Variants in CACNA1D observed in about 807,000 individuals in gnomAD.
CACNA1D encodes the protein voltage-dependent L-type calcium channel subunit alpha-1D.
Under a neutral mutation model 257.1 loss-of-function variants are expected in CACNA1D, and 55 were observed. The observed-to-expected ratio is 0.21, with a 90% CI of 0.17 to 0.27. The LOEUF (loss-of-function observed/expected upper bound fraction) is 0.27. Ranked by LOEUF, CACNA1D falls within the 10% of genes least tolerant of loss-of-function variation. The pLI is 1.00. For missense variants in CACNA1D, 1,876 were observed against 2,784.0 expected, an observed-to-expected ratio of 0.67 and a Z score of 7.34; for synonymous variants, 980 against 1,014.9, an observed-to-expected ratio of 0.97 and a Z score of 0.65.
At chr3:53,805,507 G>A (rs1373750844) in intron 45 of CACNA1D, among the ~76,000 whole-genome samples, 3 of 152,280 alleles carry the variant, frequency 2.0e-5, no homozygotes, top group South Asian at 4.1e-4. Context: ...GCTGTTGTCA[G>A]CCCTGCTGCA....
chr3:53,785,208 T>A (rs1196439423), intron 39 of CACNA1D, among the ~76,000 whole-genome samples: 1 of 152,204 alleles, frequency 6.6e-6, no homozygotes, highest in Non-Finnish European at 1.5e-5. Flanking sequence ...ACCTCCTGCC[T>A]TCTTGCCTAT....
chr3:53,522,446 G>A (rs2091616582), intron 3 of CACNA1D, among the ~76,000 whole-genome samples: 1 of 130,224 alleles, frequency 7.7e-6, no homozygotes, highest in Admixed American at 7.0e-5. Flanking sequence ...ATAGTTTTTG[G>A]ATGTGGTTGC....
rs548540083 is a variant in CACNA1D, at chr3:53,739,301, A to G, written c.2752-979A>G. On this transcript the variant is annotated intron_variant, in intron 20 of 47. Coordinates refer to ENST00000350061, the MANE Select transcript of CACNA1D (RefSeq NM_001128840.3). The stretch of plus-strand genomic sequence containing the variant: ...CTGGGTGGTCTCCACAGTCCCTTCT[A>G]GCTCTGGTCTCTTCAGTTCTTTCAA... 3.9e-5 allele frequency among the ~76,000 whole-genome samples: 6 copies of G among 152,310 alleles called. No individual in the cohort carries two copies. In the East Asian group the frequency reaches 1.2e-3, roughly 29 times the overall value.
At chr3:53,694,595 T>C (rs910914106) in intron 8 of CACNA1D, among the ~76,000 whole-genome samples, 3 of 152,146 alleles carry the variant, frequency 2.0e-5, no homozygotes, top group Admixed American at 6.5e-5. Flanking sequence ...CTTTGTGAAA[T>C]GGATGTGAAA....
chr3:53,520,765 CAA>C (rs77368050), intron 3 of CACNA1D, among the ~76,000 whole-genome samples: 2,542 of 147,280 alleles, frequency 0.017, 64 homozygotes, highest in African/African-American at 0.058. Flanking sequence ...GACTCAATCT[CAA>C]AAAAAAAAAA....
intron 3 of CACNA1D, among the ~76,000 whole-genome samples, chr3:53,513,876 A>G (rs2091221070): frequency 6.6e-6 from 1 of 152,190 alleles, no homozygotes; most frequent in South Asian, 2.1e-4. Flanking sequence ...AGTATTCAGC[A>G]CAGTCACATG....
chr3:53,746,370 C>G (rs1324492950), intron 25 of CACNA1D, among the ~76,000 whole-genome samples: 5 of 152,156 alleles, frequency 3.3e-5, no homozygotes, highest in Non-Finnish European at 7.3e-5. Context: ...TTACCTACAT[C>G]TTGGCCATAT....
chr3:53,571,130 A>G (rs2092935507), intron 3 of CACNA1D, among the ~76,000 whole-genome samples: 2 of 152,062 alleles, frequency 1.3e-5, no homozygotes, highest in Non-Finnish European at 2.9e-5. Flanking sequence ...TTAAGTGGGG[A>G]GGGCAGGAAA....
At chr3:53,597,156 G>T (rs773270336) in intron 3 of CACNA1D, among the ~76,000 whole-genome samples, 15 of 152,224 alleles carry the variant, frequency 9.9e-5, no homozygotes, top group Non-Finnish European at 2.2e-4. Flanking sequence ...GTATTTGAGT[G>T]CCTATATGTG....
chr3:53,787,660 A>G (rs1280991464), intron 40 of CACNA1D, among the ~76,000 whole-genome samples: 2 of 152,246 alleles, frequency 1.3e-5, no homozygotes, highest in East Asian at 3.9e-4. Context: ...CGAGGAATGT[A>G]GAAACCTAGG....
At chr3:53,682,109 G>A (rs1453236798) in intron 8 of CACNA1D, among the ~76,000 whole-genome samples, 3 of 152,056 alleles carry the variant, frequency 2.0e-5, no homozygotes, top group African/African-American at 7.3e-5. Flanking sequence ...TAAGCAGGGA[G>A]TGATATTCAA....
intron 4 of CACNA1D, among the ~76,000 whole-genome samples, chr3:53,651,953 G>C (rs1008757055): frequency 6.6e-6 from 1 of 152,086 alleles, no homozygotes; most frequent in African/African-American, 2.4e-5. Flanking sequence ...TTCAACCTAG[G>C]AAGTTAATAT....
intron 3 of CACNA1D, among the ~76,000 whole-genome samples, chr3:53,540,201 CT>C (rs2092259140): frequency 1.3e-5 from 2 of 152,002 alleles, no homozygotes; most frequent in African/African-American, 4.8e-5. Context: ...TCACTGTAAC[CT>C]CTACCTCCCA....
intron 3 of CACNA1D, among the ~76,000 whole-genome samples, chr3:53,644,402 G>A (rs1239605506): frequency 6.6e-6 from 1 of 152,138 alleles, no homozygotes; most frequent in Non-Finnish European, 1.5e-5. Context: ...TTGTACAATA[G>A]ATCTCCTGAA....
chr3:53,661,743 G>A (rs1376413781), intron 5 of CACNA1D, among the ~76,000 whole-genome samples: 1 of 152,158 alleles, frequency 6.6e-6, no homozygotes, highest in African/African-American at 2.4e-5. Flanking sequence ...ACATAGCATT[G>A]TGTCTGCTTC....
intron 8 of CACNA1D, among the ~76,000 whole-genome samples, chr3:53,692,828 C>T (rs1234866567): frequency 6.6e-6 from 1 of 152,208 alleles, no homozygotes; most frequent in African/African-American, 2.4e-5. Context: ...GAGGCTGAGG[C>T]GGGTGGATCC....
chr3:53,776,141 G>C (rs2095395681), intron 35 of CACNA1D, 96 bp downstream of exon 35: 1 of 1,139,666 alleles, frequency 8.8e-7, no homozygotes, highest in Admixed American at 1.7e-5. Context: ...ATCGCCTGAG[G>C]ACAATTGATG....
intron 43 of CACNA1D, 150 bp downstream of exon 43, chr3:53,802,323 T>C: frequency 1.3e-6 from 1 of 778,240 alleles, no homozygotes; most frequent in Admixed American, 1.8e-5. Flanking sequence ...AGGTCAGAGG[T>C]TGTTGCTTCT....
At chr3:53,750,423 C>T (rs781399432) in intron 27 of CACNA1D, among the ~76,000 whole-genome samples, 1 of 152,150 alleles carries the variant, frequency 6.6e-6, no homozygotes, top group African/African-American at 2.4e-5. Context: ...TTGATGACGA[C>T]GTCGCAAGCA....
Sources: allele counts gnomAD v4.1 joint callset (sites outside exome capture counted in the v4.1 genomes callset), GRCh38; gene constraint gnomAD v4.1.1; transcripts MANE v1.5; gene names NCBI Gene and HGNC (gene_info 2026-07-23, HGNC 2026-07-21).